CFHR1: variants seen among roughly 807,000 people sequenced by gnomAD.
CFHR1 encodes the protein complement factor H related 1.
Under a neutral mutation model 30.4 loss-of-function variants are expected in CFHR1, and 22 were observed. That is an observed-to-expected ratio of 0.72 (90% CI 0.52 to 1.03). The LOEUF is 1.03. Among genes scored for constraint, CFHR1 ranks in the 50% least tolerant of loss-of-function variants. CFHR1 has a pLI of 0.00. For missense variants in CFHR1, 248 were observed against 380.6 expected (o/e 0.65, Z 2.90); for synonymous variants, 95 against 129.1 (o/e 0.74, Z 1.79).
chr1:196,824,783 T>A (rs1174614006), intron 1 of CFHR1, among the ~76,000 whole-genome samples: 3 of 109,492 alleles, frequency 2.7e-5, no homozygotes, highest in Non-Finnish European at 5.4e-5. Flanking sequence ...TATATATATG[T>A]GCGTGTGTGT....
rs866272579 is a variant in CFHR1, at chr1:196,829,004, C to A, written c.607+758C>A. 3.7e-5 allele frequency among the ~76,000 whole-genome samples: 5 copies of A among 133,430 alleles called. 2 individuals carry two copies. Among genetic ancestry groups the A allele is most frequent in the African/African-American group, 1.6e-4 (5 of 30,956 alleles). The allele number at this position is 133,430 out of a possible 152,430, so 87.5% of individuals were successfully genotyped here. On this transcript the variant is annotated intron_variant, in intron 4 of 5. Coordinates refer to ENST00000320493, the MANE Select transcript of CFHR1 (RefSeq NM_002113.3). ...TGTCATTTATTTGTTTCTGTCTGTTCCCTCTGGGTTTCAGTCCTATTTCCC... is the reference window on the plus strand; with the variant it reads ...TGTCATTTATTTGTTTCTGTCTGTTACCTCTGGGTTTCAGTCCTATTTCCC...
Position 196,825,691 on chromosome 1 carries a change from A to G in CFHR1, c.253+20A>G. 1.1e-5 allele frequency: 16 copies of G among 1,496,556 alleles called. 5 individuals are homozygous for G. The highest frequency in any genetic ancestry group is 1.4e-5 in the Non-Finnish European group (16 of 1,104,484). The allele number at this position is 1,496,556 out of a possible 1,614,324, so 92.7% of individuals were successfully genotyped here. A position where few individuals can be genotyped will look rare whatever the true frequency, so the allele number is the denominator to read the frequency against. On this transcript the variant is annotated intron_variant, in intron 2 of 5. Coordinates refer to ENST00000320493, the MANE Select transcript of CFHR1 (RefSeq NM_002113.3). ...GTCTCAGTGAGTAAATGCTCTGTTC[A>G]TTAAATGGATGTCATTCAGTGAATA...
rs1279271999 is a variant in CFHR1 at position 196,831,080 on chromosome 1, C to T, written c.790+398C>T. ...CCGGGAGGCGGAGCTTGCAGTGAGC[C>T]GAGTTCGCGCCACTGCACTCCAGCC... is the stretch of plus-strand genomic sequence containing the variant. On this transcript the variant is annotated intron_variant, in intron 5 of 5. Transcript: ENST00000320493. Among the ~76,000 whole-genome samples the T allele has an allele frequency of 2.2e-5, 3 of 135,252 alleles. 1 individual carries two copies. The highest frequency in any genetic ancestry group is 4.7e-5 in the Non-Finnish European group (3 of 64,258). The allele number at this position is 135,252 out of a possible 152,430, so 88.7% of individuals were successfully genotyped here.
At chr1:196,827,504 T>C (rs567907022) in intron 3 of CFHR1, among the ~76,000 whole-genome samples, 1 of 136,074 alleles carries the variant, frequency 7.3e-6, no homozygotes, top group East Asian at 2.0e-4. Flanking sequence ...TTATTTTCTT[T>C]TATTTTTCCA....
Position 196,830,576 on chromosome 1 carries a change from T to C in CFHR1, c.684T>C (p.Ala228=), listed in dbSNP as rs1188120405. 1 of 1,524,430 alleles carries C rather than the reference T, an allele frequency of 6.6e-7. No individual in the cohort carries two copies. Among genetic ancestry groups the C allele is most frequent in the Non-Finnish European group, 8.9e-7 (1 of 1,128,788 alleles). The allele number at this position is 1,524,430 out of a possible 1,614,324, so 94.4% of individuals were successfully genotyped here. Residue 228 remains alanine (A), a synonymous_variant, in exon 5 of 6, where the codon GCT becomes GCC. Transcript: ENST00000320493. ...DITSFPLSVY[A]PASSVEYQCQ... is the part of the protein sequence containing the mutation. ...CTTCATTCCCGTTGTCAGTATATGCTCCAGCTTCATCAGTTGAGTACCAAT... is the reference window on the plus strand; with the variant it reads ...CTTCATTCCCGTTGTCAGTATATGCCCCAGCTTCATCAGTTGAGTACCAAT...
Position 196,829,603 on chromosome 1 carries a change from T to A in CFHR1, c.608-897T>A, listed in dbSNP as rs368054860. Among the ~76,000 whole-genome samples the A allele has an allele frequency of 1.1e-4, 15 of 135,168 alleles. 1 individual carries two copies. The Middle Eastern group carries it at 0.012, about 107-fold the overall frequency. 88.7% of individuals were successfully genotyped at this position (135,168 alleles called of 152,430 possible). On this transcript the variant is annotated intron_variant, in intron 4 of 5. Transcript: ENST00000320493. The stretch of plus-strand genomic sequence containing the variant: ...GTGTCACTGGATATCAAATTTGGAG[T>A]TGACAGTTCTTTGAACACTTGAAAA...
rs758209218 is a variant in CFHR1 at position 196,823,961 on chromosome 1, A to G, written c.59-1516A>G. Among the ~76,000 whole-genome samples, 3 of 134,630 alleles carry G rather than the reference A, an allele frequency of 2.2e-5. 1 individual carries two copies. The highest frequency in any genetic ancestry group is 6.4e-5 in the African/African-American group (2 of 31,416). The allele number at this position is 134,630 out of a possible 152,430, so 88.3% of individuals were successfully genotyped here. The stretch of plus-strand genomic sequence containing the variant: ...GCTGTGAAAAACCTGTAAATAAAGT[A>G]TAAAGTCTAATAAAAAATATGTGTG... On this transcript the variant is annotated intron_variant, in intron 1 of 5. Transcript: ENST00000320493.
intron 2 of CFHR1, among the ~76,000 whole-genome samples, chr1:196,826,499 G>C (rs1406846524): frequency 7.5e-6 from 1 of 133,810 alleles, no homozygotes; most frequent in Non-Finnish European, 1.6e-5. Flanking sequence ...TGTTTGTTTT[G>C]TTTTGTTTTT....
Position 196,832,136 on chromosome 1 carries a change from C to T in CFHR1, c.*137C>T. 2 of 798,842 alleles carry T rather than the reference C, an allele frequency of 2.5e-6. No individual in the cohort carries two copies. Among genetic ancestry groups the T allele is most frequent in the Non-Finnish European group, 3.9e-6 (2 of 510,398 alleles). 49.5% of individuals were successfully genotyped at this position (798,842 alleles called of 1,614,324 possible). On this transcript the variant is annotated 3_prime_UTR_variant, in exon 6 of 6. Transcript: ENST00000320493. ...TAATTTGTGAAAATGTAATTATAAGCTGAGACCGGTGGCTCTCTTCTTAAA... is the reference window on the plus strand; with the variant it reads ...TAATTTGTGAAAATGTAATTATAAGTTGAGACCGGTGGCTCTCTTCTTAAA...
rs399507 is a variant in CFHR1, at chr1:196,827,054, G to A, written c.430+49G>A. On this transcript the variant is annotated intron_variant, in intron 3 of 5. Transcript: ENST00000320493. Reference sequence around the variant, plus strand: ...TATGCTGTTATCTATTATAAAGTTTGAGAGAAATAAATCTTTTTTACAGGT... The same window carrying A: ...TATGCTGTTATCTATTATAAAGTTTAAGAGAAATAAATCTTTTTTACAGGT... 0.43 allele frequency: 633,467 copies of A among 1,463,036 alleles called. 195,641 individuals carry two copies. The highest frequency in any genetic ancestry group is 0.59 in the African/African-American group (32,890 of 56,038). The allele number at this position is 1,463,036 out of a possible 1,614,324, so 90.6% of individuals were successfully genotyped here. A position where few individuals can be genotyped will look rare whatever the true frequency, so the allele number is the denominator to read the frequency against.
intron 4 of CFHR1, among the ~76,000 whole-genome samples, chr1:196,829,860 A>G (rs1655475041): frequency 7.4e-6 from 1 of 134,466 alleles, no homozygotes; most frequent in South Asian, 2.5e-4. Flanking sequence ...GTTTTCAGGT[A>G]TCCTTTTATT....
intron 1 of CFHR1, among the ~76,000 whole-genome samples, chr1:196,822,783 A>G (rs1294218181): frequency 1.5e-5 from 2 of 134,596 alleles, no homozygotes; most frequent in Non-Finnish European, 3.1e-5. Context: ...ACTATAAAAT[A>G]CTAATAACAA....
At chr1:196,821,888 A>C (rs1288343009) in intron 1 of CFHR1, among the ~76,000 whole-genome samples, 1 of 104,868 alleles carries the variant, frequency 9.5e-6, no homozygotes, top group Admixed American at 9.8e-5. Flanking sequence ...TTTATAGCCT[A>C]CTAGGTAACT....
At chr1:196,830,038 G>C (rs1655482600) in intron 4 of CFHR1, among the ~76,000 whole-genome samples, 2 of 134,656 alleles carry the variant, frequency 1.5e-5, no homozygotes, top group Non-Finnish European at 1.6e-5. Context: ...TTGTCTGTCA[G>C]CTCCCCATGT....
intron 2 of CFHR1, 83 bp from the exon 3 acceptor site, chr1:196,826,746 G>A (rs1655338499): frequency 1.6e-6 from 2 of 1,276,138 alleles, no homozygotes; most frequent in Non-Finnish European, 2.2e-6. Flanking sequence ...CACTTCACCC[G>A]GTTTATTAAA....
chr1:196,822,123 C>A (rs1453342474), intron 1 of CFHR1, among the ~76,000 whole-genome samples: 2 of 130,934 alleles, frequency 1.5e-5, no homozygotes, highest in Non-Finnish European at 3.2e-5. Context: ...TAAGTCATTA[C>A]ATGAGTGGTG....
chr1:196,829,532 C>G lies in CFHR1; in HGVS notation c.608-968C>G, dbSNP rs965507137. ...CTGGAGACAAATTCTCTTGGTTTCC[C>G]TTTCTCTGAGAATGTCTATATTTAC... is the stretch of plus-strand genomic sequence containing the variant. On this transcript the variant is annotated intron_variant, in intron 4 of 5. Coordinates refer to ENST00000320493, the MANE Select transcript of CFHR1 (RefSeq NM_002113.3). Among the ~76,000 whole-genome samples the G allele has an allele frequency of 6.0e-5, 8 of 134,014 alleles. 1 individual carries two copies. Among genetic ancestry groups the G allele is most frequent in the African/African-American group, 2.6e-4 (8 of 31,216 alleles). The allele number at this position is 134,014 out of a possible 152,430, so 87.9% of individuals were successfully genotyped here.
At chr1:196,824,365 C>A (rs191258425) in intron 1 of CFHR1, among the ~76,000 whole-genome samples, 2 of 133,510 alleles carry the variant, frequency 1.5e-5, no homozygotes, top group Admixed American at 1.4e-4. Context: ...TCAAGTGATT[C>A]TTCTGCCTCA....
rs1204827336 is a variant in CFHR1, at chr1:196,822,343, C to T, written c.58+2441C>T. 1.2e-4 allele frequency among the ~76,000 whole-genome samples: 16 copies of T among 131,544 alleles called. 3 individuals carry two copies. Among genetic ancestry groups the T allele is most frequent in the Non-Finnish European group, 2.0e-4 (13 of 63,440 alleles). 86.3% of individuals were successfully genotyped at this position (131,544 alleles called of 152,430 possible). On this transcript the variant is annotated intron_variant, in intron 1 of 5. Coordinates refer to ENST00000320493, the MANE Select transcript of CFHR1 (RefSeq NM_002113.3). ...TAGACTAAATTTATTTTAAACTTTT[C>T]TTCGATAATAAATTAACCTTAGTTT... is the stretch of plus-strand genomic sequence containing the variant.
Sources: allele counts gnomAD v4.1 joint callset (sites outside exome capture counted in the v4.1 genomes callset), GRCh38; gene constraint gnomAD v4.1.1; transcripts MANE v1.5; gene names NCBI Gene and HGNC (gene_info 2026-07-23, HGNC 2026-07-21).